ANO3: variants seen among roughly 807,000 people sequenced by gnomAD.
ANO3 encodes anoctamin 3.
Under a neutral mutation model 144.8 loss-of-function variants are expected in ANO3, and 99 were observed. That is an observed-to-expected ratio of 0.68 (90% CI 0.58 to 0.81). ANO3 has a LOEUF of 0.81. ANO3 is among the 30% of genes least tolerant of loss of function. The pLI, the probability that ANO3 is intolerant of heterozygous loss-of-function variation, is 0.00. For missense variants in ANO3, 905 were observed against 1,202.2 expected (o/e 0.75, Z 3.66); for synonymous variants, 414 against 392.6 (o/e 1.05, Z -0.64).
At chr11:26,294,207 T>G (rs912444656) in intron 1 of ANO3, among the ~76,000 whole-genome samples, 6 of 152,166 alleles carry the variant, frequency 3.9e-5, no homozygotes, top group African/African-American at 1.4e-4. Flanking sequence ...ATCCTGAAAA[T>G]ATGATGATTG....
intron 1 of ANO3, among the ~76,000 whole-genome samples, chr11:26,276,839 G>A (rs1447795623): frequency 1.3e-5 from 2 of 152,018 alleles, no homozygotes; most frequent in Non-Finnish European, 2.9e-5. Flanking sequence ...GGTATAATTG[G>A]TCAGCGTGAC....
chr11:26,469,339 C>T (rs1368706395), intron 4 of ANO3, among the ~76,000 whole-genome samples: 2 of 151,698 alleles, frequency 1.3e-5, no homozygotes, highest in South Asian at 2.1e-4. Context: ...TGTGTGCAGG[C>T]GCATGTGAGG....
intron 5 of ANO3, among the ~76,000 whole-genome samples, chr11:26,510,195 C>A (rs1347276024): frequency 1.3e-5 from 2 of 150,240 alleles, no homozygotes; most frequent in Non-Finnish European, 3.0e-5. Flanking sequence ...TTATTAAAAT[C>A]CTTTAATGTG....
At chr11:26,638,223 AAG>A (rs1590663040) in intron 20 of ANO3, among the ~76,000 whole-genome samples, 1 of 152,144 alleles carries the variant, frequency 6.6e-6, no homozygotes, top group African/African-American at 2.4e-5. Context: ...AGAACAGAAA[AAG>A]GGAAAAATGA....
At chr11:26,371,867 T>C (rs570272500) in intron 1 of ANO3, among the ~76,000 whole-genome samples, 7 of 152,320 alleles carry the variant, frequency 4.6e-5, no homozygotes, top group African/African-American at 1.2e-4. Context: ...TAATGTGTTA[T>C]TTATTGTGCA....
At chr11:26,242,081 T>C (rs1230865152) in intron 1 of ANO3, among the ~76,000 whole-genome samples, 1 of 152,112 alleles carries the variant, frequency 6.6e-6, no homozygotes, top group South Asian at 2.1e-4. Context: ...GCAAGGAAAA[T>C]AGCCTGAACA....
chr11:26,414,755 A>G (rs1341902098), intron 1 of ANO3, among the ~76,000 whole-genome samples: 2 of 127,924 alleles, frequency 1.6e-5, no homozygotes, highest in Non-Finnish European at 3.3e-5. Flanking sequence ...CTTACAGTAA[A>G]GTTAAAAAAA....
At chr11:26,618,454 C>A (rs1341933306) in intron 17 of ANO3, among the ~76,000 whole-genome samples, 3 of 152,150 alleles carry the variant, frequency 2.0e-5, no homozygotes, top group Admixed American at 1.3e-4. Context: ...AGGCTTCCTG[C>A]TGGTTGGTCT....
At chr11:26,435,276 T>G (rs7937332) in intron 1 of ANO3, among the ~76,000 whole-genome samples, 145,146 of 152,284 alleles carry the variant, frequency 0.95, 69,331 homozygotes, top group East Asian at 1. Context: ...CAGGGTTTCT[T>G]CTGAAAGGTT....
chr11:26,286,856 T>C (rs1035213915), intron 1 of ANO3, among the ~76,000 whole-genome samples: 10 of 152,216 alleles, frequency 6.6e-5, no homozygotes, highest in Non-Finnish European at 1.2e-4. Flanking sequence ...CTCCAAACTA[T>C]CTTTTTAGAG....
At chr11:26,211,359 T>C (rs772376527) in intron 1 of ANO3, among the ~76,000 whole-genome samples, 1 of 152,152 alleles carries the variant, frequency 6.6e-6, no homozygotes, top group Non-Finnish European at 1.5e-5. Context: ...GCTAATGCCG[T>C]GTTTAGAGGG....
chr11:26,387,535 T>G (rs1375481481), intron 1 of ANO3, among the ~76,000 whole-genome samples: 1 of 152,180 alleles, frequency 6.6e-6, no homozygotes, highest in Non-Finnish European at 1.5e-5. Flanking sequence ...TAATGAATTT[T>G]TGTTGCCTGT....
chr11:26,207,107 G>A (rs1473120161), intron 1 of ANO3, among the ~76,000 whole-genome samples: 1 of 152,086 alleles, frequency 6.6e-6, no homozygotes, highest in East Asian at 1.9e-4. Flanking sequence ...AGATGAGTAA[G>A]TCCTAAAGAT....
intron 10 of ANO3, among the ~76,000 whole-genome samples, chr11:26,539,551 G>C (rs181713630): frequency 3.0e-4 from 45 of 152,206 alleles, no homozygotes; most frequent in African/African-American, 1.1e-3. Context: ...CACTTAAATG[G>C]TACCTCCTTT....
chr11:26,314,022 A>T (rs1672557544), intron 1 of ANO3, among the ~76,000 whole-genome samples: 1 of 152,062 alleles, frequency 6.6e-6, no homozygotes, highest in Non-Finnish European at 1.5e-5. Flanking sequence ...AAGGCAATAC[A>T]TGTTTGTCCC....
intron 1 of ANO3, among the ~76,000 whole-genome samples, chr11:26,213,099 T>C (rs1851967829): frequency 6.6e-6 from 1 of 152,120 alleles, no homozygotes; most frequent in Admixed American, 6.5e-5. Flanking sequence ...TGTTAAAAAC[T>C]CCTAATAAAC....
At chr11:26,563,556 C>A (rs1363698033) in intron 14 of ANO3, among the ~76,000 whole-genome samples, 1 of 151,710 alleles carries the variant, frequency 6.6e-6, no homozygotes, top group African/African-American at 2.4e-5. Flanking sequence ...GTGTCTTGTT[C>A]TTATTAACAT....
At position 26,196,502 on chromosome 11, in the gene ANO3, A is replaced by G. The variant is rs1851592582; in HGVS notation, c.154+7172A>G. On this transcript the variant is annotated intron_variant, in intron 1 of 27. Coordinates refer to the ANO3 transcript ENST00000672621. ...TTCTCAAAGCAAAAGCATTTACAGA[A>G]GTAGTTAATTCTCCAGTAGAGCCAA... 2.0e-5 allele frequency among the ~76,000 whole-genome samples: 3 copies of G among 152,188 alleles called. No homozygotes were observed. In the South Asian group the frequency reaches 6.2e-4, roughly 32 times the overall value.
At chr11:26,577,343 C>A (rs1851013466) in intron 14 of ANO3, among the ~76,000 whole-genome samples, 2 of 151,614 alleles carry the variant, frequency 1.3e-5, no homozygotes, top group African/African-American at 4.8e-5. Flanking sequence ...GTGGGCGGAT[C>A]ACCTGAGGTT....
Sources: gnomAD v4.1 joint callset for allele counts (sites outside exome capture counted in the v4.1 genomes callset) on GRCh38, gnomAD v4.1.1 for gene constraint, MANE v1.5 for transcripts, NCBI Gene and HGNC (gene_info 2026-07-23, HGNC 2026-07-21) for gene names.